Variants in ZNF831 observed in about 807,000 individuals in gnomAD.
ZNF831 encodes the protein chromosome 20 open reading frame 174.
A neutral mutation model predicts 95.8 loss-of-function variants in ZNF831; 59 were observed. The ratio of observed to expected loss-of-function variants is 0.62; its 90% confidence interval spans 0.50 to 0.77. The LOEUF (loss-of-function observed/expected upper bound fraction) is 0.77, where lower values mean the gene tolerates loss of function less well. Among genes scored for constraint, ZNF831 ranks in the 30% least tolerant of loss-of-function variants. The pLI, the probability that ZNF831 is intolerant of heterozygous loss-of-function variation, is 0.00. For synonymous variants in ZNF831, 961 were observed against 925.5 expected (o/e 1.04, Z -0.70); for missense variants, 2,205 against 2,164.0 (o/e 1.02, Z -0.38).
In ZNF831 at chr20:59,169,575, G is replaced by A. The variant is rs1478294962; in HGVS notation, c.-37+5368G>A. The stretch of plus-strand genomic sequence containing the variant: ...GAGGCCAGGAGTTCGAAACCAGCCT[G>A]GCCAACGTGGTGAAATCCTGTCTCT... On this transcript the variant is annotated intron_variant, in intron 1 of 5. Coordinates refer to ENST00000371030, the MANE Select transcript of ZNF831 (RefSeq NM_178457.3). This position sits in a 1 kb window ranked among gnomAD's most constrained non-coding sequence, Gnocchi z 4.1. 6.6e-6 allele frequency among the ~76,000 whole-genome samples: 1 copy of A among 152,132 alleles called. No homozygotes were observed. Among genetic ancestry groups the A allele is most frequent in the East Asian group, 1.9e-4 (1 of 5,192 alleles).
chr20:59,227,394 T>C (rs1986489228), intron 4 of ZNF831, among the ~76,000 whole-genome samples: 1 of 152,210 alleles, frequency 6.6e-6, no homozygotes, highest in Non-Finnish European at 1.5e-5. Context: ...CTCTGAGATC[T>C]CATTAGAGGG....
intron 2 of ZNF831, chr20:59,146,846 A>C (rs1242315325): frequency 6.6e-6 from 1 of 152,260 alleles, no homozygotes; most frequent in East Asian, 1.9e-4. Context: ...TTTTTAAAAT[A>C]GGCTTCCTTC....
At chr20:59,150,993 C>G (rs1385984002) in intron 2 of ZNF831, among the ~76,000 whole-genome samples, 2 of 152,222 alleles carry the variant, frequency 1.3e-5, no homozygotes, top group Non-Finnish European at 1.5e-5. Flanking sequence ...CTTGGCCCGC[C>G]TGCCCAGATG....
intron 1 of ZNF831, among the ~76,000 whole-genome samples, chr20:59,177,950 C>T (rs955332334): frequency 2.6e-5 from 4 of 152,330 alleles, no homozygotes; most frequent in South Asian, 2.1e-4. Context: ...GCTGTTTTTC[C>T]GATCTGCTCA....
chr20:59,230,662 T>C (rs1208070005), intron 4 of ZNF831, among the ~76,000 whole-genome samples: 1 of 152,164 alleles, frequency 6.6e-6, no homozygotes, highest in Non-Finnish European at 1.5e-5. Context: ...GTCCAGATAA[T>C]TTGCAGATAT....
chr20:59,248,014 C>T (rs1187574129), intron 4 of ZNF831, among the ~76,000 whole-genome samples: 1 of 152,076 alleles, frequency 6.6e-6, no homozygotes, highest in East Asian at 1.9e-4. Flanking sequence ...TCAAGATGGC[C>T]ACATTTAAAA....
chr20:59,234,774 T>C (rs557872723), intron 4 of ZNF831, among the ~76,000 whole-genome samples: 46 of 152,216 alleles, frequency 3.0e-4, no homozygotes, highest in Non-Finnish European at 5.6e-4. Flanking sequence ...TTTAATAAAC[T>C]TTTAATTTTA....
In ZNF831 at chr20:59,169,906, A is replaced by C. The variant is rs996704587; in HGVS notation, c.-37+5699A>C. ...TAGAGCAAGACTCTGTCTCAAAAAA[A>C]AAAGGTGAATTTTATTAATCTTGTC... On this transcript the variant is annotated intron_variant, in intron 1 of 5. Transcript: ENST00000371030. This position sits in a 1 kb window ranked among gnomAD's most constrained non-coding sequence, Gnocchi z 4.1. Among the ~76,000 whole-genome samples the C allele has an allele frequency of 6.6e-6, 1 of 152,050 alleles. No homozygotes were observed. Among genetic ancestry groups the C allele is most frequent in the African/African-American group, 2.4e-5 (1 of 41,400 alleles).
chr20:59,247,245 G>T (rs1257768143), intron 4 of ZNF831, among the ~76,000 whole-genome samples: 1 of 152,192 alleles, frequency 6.6e-6, no homozygotes, highest in Non-Finnish European at 1.5e-5. Context: ...CATAGATACA[G>T]GTTGGGTTGG....
chr20:59,191,208 C>A lies in ZNF831; in HGVS notation c.189C>A (p.Tyr63Ter), dbSNP rs2146544194. The A allele has an allele frequency of 6.4e-7, 1 of 1,570,514 alleles. No homozygotes were observed. The highest frequency in any genetic ancestry group is 8.6e-7 in the Non-Finnish European group (1 of 1,160,358). Residue 63 changes from tyrosine (Y) to a stop codon, truncating the protein, a stop_gained, in exon 2 of 6, where the codon TAC becomes TAA. Transcript: ENST00000371030. LOFTEE classifies it high-confidence loss of function. ...TGAAGGCCCTGCCCATCCCACTGTACCACACGGTGCCTCCCGGGGGCCTCC... is the reference window on the plus strand; with the variant it reads ...TGAAGGCCCTGCCCATCCCACTGTAACACACGGTGCCTCCCGGGGGCCTCC... ...VFLKALPIPLYHTVPPGGLQP... is the reference protein window; with the variant it reads ...VFLKALPIPL
At chr20:59,157,222 CT>C (rs1417340507) in intron 2 of ZNF831, among the ~76,000 whole-genome samples, 14 of 152,246 alleles carry the variant, frequency 9.2e-5, no homozygotes, top group Admixed American at 8.5e-4. Context: ...GCCCACTCCC[CT>C]ACCCTCTTAT....
intron 3 of ZNF831, among the ~76,000 whole-genome samples, chr20:59,204,434 G>A (rs534294297): frequency 1.1e-4 from 16 of 152,264 alleles, no homozygotes; most frequent in Admixed American, 8.5e-4. Context: ...TCTTTGTCAC[G>A]TTGGCCACAG....
In ZNF831 at chr20:59,171,874, T is replaced by C. The variant is rs576279374; in HGVS notation, c.-37+7667T>C. ...TTGACCTCAGCTGCCCTGGGTTCTT[T>C]ACCTCTTGGAATATCTACTAACTCC... On this transcript the variant is annotated intron_variant, in intron 1 of 5. Transcript: ENST00000371030. Among the ~76,000 whole-genome samples the C allele has an allele frequency of 8.5e-5, 13 of 152,340 alleles. No individual in the cohort carries two copies. The South Asian group carries it at 1.7e-3, about 19-fold the overall frequency.
At chr20:59,162,861 T>C (rs1406958289), upstream of ZNF831, among the ~76,000 whole-genome samples, 4 of 152,194 alleles carry the variant, frequency 2.6e-5, no homozygotes, top group Non-Finnish European at 5.9e-5. Flanking sequence ...AGGAATAGTG[T>C]TGAATTGCTT....
rs141640614 is a variant in ZNF831, at chr20:59,172,260, G to A, written c.-37+8053G>A. ...ACTGCTAAGATCTCTGCGAGCCAAA[G>A]AATTCGGATTCCTGCCATTCCCTGT... On this transcript the variant is annotated intron_variant, in intron 1 of 5. Coordinates refer to ENST00000371030, the MANE Select transcript of ZNF831 (RefSeq NM_178457.3). 8.5e-5 allele frequency among the ~76,000 whole-genome samples: 13 copies of A among 152,274 alleles called. No homozygotes were observed. The East Asian group carries it at 2.3e-3, about 27-fold the overall frequency.
intron 1 of ZNF831, among the ~76,000 whole-genome samples, chr20:59,137,397 A>G (rs369925481): frequency 4.0e-5 from 6 of 151,898 alleles, no homozygotes; most frequent in South Asian, 2.1e-4. Flanking sequence ...GTCAGGTTGG[A>G]GAACAGGGAG....
intron 4 of ZNF831, among the ~76,000 whole-genome samples, chr20:59,235,817 C>G (rs1018180778): frequency 4.6e-5 from 7 of 152,172 alleles, no homozygotes; most frequent in East Asian, 1.9e-4. Context: ...GCTTTCTCCC[C>G]CTCAGAGAAC....
At position 59,216,780 on chromosome 20, in the gene ZNF831, C is replaced by T. The variant is rs564757269; in HGVS notation, c.4027+9724C>T. Among the ~76,000 whole-genome samples the T allele has an allele frequency of 8.5e-5, 13 of 152,156 alleles. No individual in the cohort carries two copies. In the East Asian group the frequency reaches 2.1e-3, roughly 25 times the overall value. ...CCTGCAGGACTTCTCAGGCCTCAGTCGGGGCCTGAAATTTTTTTCCTGAGA... is the reference window on the plus strand; with the variant it reads ...CCTGCAGGACTTCTCAGGCCTCAGTTGGGGCCTGAAATTTTTTTCCTGAGA... On this transcript the variant is annotated intron_variant, in intron 4 of 5. Transcript: ENST00000371030.
intron 1 of ZNF831, among the ~76,000 whole-genome samples, chr20:59,128,049 C>T (rs1979232287): frequency 6.6e-6 from 1 of 152,194 alleles, no homozygotes; most frequent in Non-Finnish European, 1.5e-5. Flanking sequence ...CGTGCGTGTG[C>T]AGCACATGTG....
Sources: gnomAD v4.1 joint callset for allele counts (sites outside exome capture counted in the v4.1 genomes callset) on GRCh38, gnomAD v4.1.1 for gene constraint, Gnocchi (gnomAD v3.1) non-coding constraint, MANE v1.5 for transcripts, NCBI Gene and HGNC (gene_info 2026-07-23, HGNC 2026-07-21) for gene names.